The following CFAP46 variants were observed in gnomAD, a reference collection of about 807,000 sequenced individuals.
The protein encoded by CFAP46 is cilia- and flagella-associated protein 46.
A neutral mutation model predicts 325.7 loss-of-function variants in CFAP46; 245 were observed. The observed-to-expected ratio is 0.75, with a 90% CI of 0.68 to 0.84. CFAP46 has a LOEUF of 0.84. CFAP46 is among the 40% of genes least tolerant of loss of function. The probability of loss-of-function intolerance (pLI) is 0.00; values close to 1 mark genes in which losing one functional copy is unlikely to be tolerated. For synonymous variants in CFAP46, 1,523 were observed against 1,495.9 expected (o/e 1.02, Z -0.42); for missense variants, 3,346 against 3,543.0 (o/e 0.94, Z 1.41).
At chr10:132,912,357 CTT>C (rs1480514030) in intron 19 of CFAP46, among the ~76,000 whole-genome samples, 5 of 142,494 alleles carry the variant, frequency 3.5e-5, no homozygotes, top group Non-Finnish European at 7.6e-5. Flanking sequence ...CTTCTCCTCT[CTT>C]TCTCCTCTCT....
chr10:132,919,937 G>T lies in CFAP46; in HGVS notation c.1730+122C>A. 1 of 1,283,772 alleles carries T rather than the reference G, an allele frequency of 7.8e-7. No individual in the cohort carries two copies. The highest frequency in any genetic ancestry group is 1.0e-6 in the Non-Finnish European group (1 of 976,330). The allele number at this position is 1,283,772 out of a possible 1,614,324, so 79.5% of individuals were successfully genotyped here. ...CTCGTCCCACCATCCTGGAGCAGGT[G>T]GCCTGGCGAGTCCCCAGACGGCCAC... On this transcript the variant is annotated intron_variant, in intron 14 of 57. Coordinates refer to ENST00000368586, the MANE Select transcript of CFAP46 (RefSeq NM_001200049.3). The surrounding 1 kb of genome is among the most constrained non-coding windows in gnomAD (Gnocchi z 9.7).
Position 132,886,043 on chromosome 10 carries a change from A to G in CFAP46, c.3305-84T>C. ...TCGGACCTCCCAGACTAAGCTGCCC[A>G]TCACAGTGCCCCTGAGGTGGAACCG... On this transcript the variant is annotated intron_variant, in intron 25 of 57. Transcript: ENST00000368586. This position sits in a 1 kb window ranked among gnomAD's most constrained non-coding sequence, Gnocchi z 5.8. 1 of 1,497,676 alleles carries G rather than the reference A, an allele frequency of 6.7e-7. No homozygotes were observed. Among genetic ancestry groups the G allele is most frequent in the Non-Finnish European group, 9.0e-7 (1 of 1,111,180 alleles). The allele number at this position is 1,497,676 out of a possible 1,614,324, so 92.8% of individuals were successfully genotyped here.
chr10:132,824,717 GTAC>G (rs758268696), intron 50 of CFAP46, among the ~76,000 whole-genome samples: 35 of 53,156 alleles, frequency 6.6e-4, no homozygotes, highest in Admixed American at 1.3e-3. Context: ...TGCTGTGTGT[GTAC>G]TGATGTGTGC....
In CFAP46 at chr10:132,834,742, G is replaced by A. The variant is rs562594842; in HGVS notation, c.6778C>T (p.Arg2260Cys). Residue 2260 changes from arginine to cysteine, a missense_variant, in exon 48 of 58, where the codon CGC becomes TGC. By Grantham distance (180) the Arg-to-Cys change is radical. Coordinates refer to ENST00000368586, the MANE Select transcript of CFAP46 (RefSeq NM_001200049.3). The part of the protein sequence containing the change: ...PEGLQVEEKE[R>C]PVQRLSSVLG... ...ACGCTACTGAGCCTCTGCACAGGGC[G>A]CTCCTTCTCTTCCACCTGCAGGCCT... 19 of 1,612,562 alleles carry A rather than the reference G, an allele frequency of 1.2e-5. No individual in the cohort carries two copies. Among genetic ancestry groups the A allele is most frequent in the Admixed American group, 1.7e-5 (1 of 59,928 alleles).
chr10:132,837,887 GGACACACACAGA>G (rs1848289573), intron 44 of CFAP46, among the ~76,000 whole-genome samples: 2 of 119,644 alleles, frequency 1.7e-5, no homozygotes, highest in African/African-American at 6.6e-5. Context: ...AGACATGCAC[GGACACACACAGA>G]TGAACACATA....
At position 132,869,466 on chromosome 10, in the gene CFAP46, T is replaced by A; in HGVS notation, c.4512-94A>T. 1 of 843,624 alleles carries A rather than the reference T, an allele frequency of 1.2e-6. No homozygotes were observed. The highest frequency in any genetic ancestry group is 1.7e-6 in the Non-Finnish European group (1 of 580,416). The allele number at this position is 843,624 out of a possible 1,614,324, so 52.3% of individuals were successfully genotyped here. ...GTGTGCTTCACAGAAAACGGTCAAC[T>A]AACACATCGAGGCACACTTGGATGG... On this transcript the variant is annotated intron_variant, in intron 32 of 57. Transcript: ENST00000368586. The surrounding 1 kb of genome is among the most constrained non-coding windows in gnomAD (Gnocchi z 6.2).
At chr10:132,913,329 C>G in intron 17 of CFAP46, 71 bp from the exon 18 acceptor site, 1 of 839,678 alleles carries the variant, frequency 1.2e-6, no homozygotes, top group East Asian at 6.3e-5. Flanking sequence ...AGGAAGGCTG[C>G]GGGGCCTGTT....
At chr10:132,821,557 G>T (rs558203593) in intron 50 of CFAP46, among the ~76,000 whole-genome samples, 108 of 134,720 alleles carry the variant, frequency 8.0e-4, no homozygotes, top group African/African-American at 2.3e-3. Flanking sequence ...GTGTGCTGAC[G>T]TGTGCTGTGT....
In CFAP46 at chr10:132,810,479, G is replaced by A. The variant is rs374013049; in HGVS notation, c.7594C>T (p.Arg2532Cys). ...CTGTTTCTCCAATTGGCTTCCCAAC[G>A]GCCAACAGATCTAGGGGAGAAACGT... Reference protein sequence around the residue: ...ESVEHRRSVGRWEANWRNSAS... With the variant: ...ESVEHRRSVGCWEANWRNSAS... Residue 2532 changes from arginine to cysteine, a missense_variant, in exon 57 of 58, where the codon CGT becomes TGT. Transcript: ENST00000368586. 137 of 1,613,528 alleles carry A rather than the reference G, an allele frequency of 8.5e-5. No homozygotes were observed. Among genetic ancestry groups the A allele is most frequent in the South Asian group, 5.6e-4 (51 of 91,080 alleles).
chr10:132,926,500 C>T (rs1273321418), intron 10 of CFAP46, 68 bp downstream of exon 10: 2 of 1,167,610 alleles, frequency 1.7e-6, no homozygotes, highest in East Asian at 2.5e-5. Context: ...GGGACACACT[C>T]AACTTGCACC....
At position 132,886,757 on chromosome 10, in the gene CFAP46, TC is replaced by T. The variant is rs1157783569; in HGVS notation, c.3305-799del. On this transcript the variant is annotated intron_variant, in intron 25 of 57. Transcript: ENST00000368586. This position sits in a 1 kb window ranked among gnomAD's most constrained non-coding sequence, Gnocchi z 5.8. ...CAAGGATTCCAAGAGCCCCGGGAGATCCAAAACATCAAACCAAGGCCATGGA... is the reference window on the plus strand; with the variant it reads ...CAAGGATTCCAAGAGCCCCGGGAGATCAAAACATCAAACCAAGGCCATGGA... Among the ~76,000 whole-genome samples the T allele has an allele frequency of 6.6e-6, 1 of 152,018 alleles. No homozygotes were observed. The highest frequency in any genetic ancestry group is 1.5e-5 in the Non-Finnish European group (1 of 67,986).
Position 132,923,449 on chromosome 10 carries a change from C to A in CFAP46, c.1257-741G>T, listed in dbSNP as rs10870208. Among the ~76,000 whole-genome samples, 102 of 57,574 alleles carry A rather than the reference C, an allele frequency of 1.8e-3. 1 individual carries two copies. The highest frequency in any genetic ancestry group is 7.1e-3 in the African/African-American group (83 of 11,620). 37.8% of individuals were successfully genotyped at this position (57,574 alleles called of 152,430 possible). A position where few individuals can be genotyped will look rare whatever the true frequency, so the allele number is the denominator to read the frequency against. On this transcript the variant is annotated intron_variant, in intron 11 of 57. Coordinates refer to ENST00000368586, the MANE Select transcript of CFAP46 (RefSeq NM_001200049.3). Reference sequence around the variant, plus strand: ...AGCAGCCATGTGGGGGTGCCCTGGACCCCCTGGCCTTGAGCAGCCATGTGG... The same window carrying A: ...AGCAGCCATGTGGGGGTGCCCTGGAACCCCTGGCCTTGAGCAGCCATGTGG...
intron 50 of CFAP46, among the ~76,000 whole-genome samples, chr10:132,821,553 TGAC>T (rs1200793797): frequency 1.4e-5 from 2 of 139,950 alleles, no homozygotes; most frequent in Admixed American, 1.4e-4. Context: ...TGCTGTGTGC[TGAC>T]GTGTGCTGTG....
intron 19 of CFAP46, among the ~76,000 whole-genome samples, chr10:132,911,442 G>T (rs11146588): frequency 0.018 from 2,734 of 152,268 alleles, 52 homozygotes; most frequent in Non-Finnish European, 0.024. Flanking sequence ...TTCCGCAAGG[G>T]TGGGGACAGC....
intron 13 of CFAP46, among the ~76,000 whole-genome samples, chr10:132,921,279 G>A (rs558928175): frequency 7.2e-4 from 110 of 152,310 alleles, no homozygotes; most frequent in African/African-American, 2.3e-3. Context: ...GGGGACCAGC[G>A]GGAAGGGCTC....
chr10:132,835,578 C>T (rs1848227485), intron 46 of CFAP46, 144 bp from the exon 47 acceptor site: 1 of 1,064,958 alleles, frequency 9.4e-7, no homozygotes, highest in African/African-American at 1.6e-5. Flanking sequence ...GTGGGGTCCC[C>T]CTGGTCCCAT....
At chr10:132,851,049 G>C (rs778919541) in intron 40 of CFAP46, 68 bp downstream of exon 40, 3 of 1,574,798 alleles carry the variant, frequency 1.9e-6, no homozygotes, top group South Asian at 1.1e-5. Context: ...CTGCTGGAAC[G>C]GGGGTCCCAT....
intron 13 of CFAP46, among the ~76,000 whole-genome samples, chr10:132,921,156 C>T (rs1849717101): frequency 6.6e-6 from 1 of 152,232 alleles, no homozygotes; most frequent in African/African-American, 2.4e-5. Flanking sequence ...CGACCACCAT[C>T]TCCACAGGCT....
intron 44 of CFAP46, 142 bp from the exon 45 acceptor site, chr10:132,837,056 G>C (rs1848263157): frequency 1.6e-6 from 1 of 640,454 alleles, no homozygotes; most frequent in Non-Finnish European, 2.7e-6. Context: ...GGGCCCTTGG[G>C]GTGGGGGGCC....
Sources: gnomAD v4.1 joint callset for allele counts (sites outside exome capture counted in the v4.1 genomes callset) on GRCh38, gnomAD v4.1.1 for gene constraint, Gnocchi (gnomAD v3.1) non-coding constraint, MANE v1.5 for transcripts, NCBI Gene and HGNC (gene_info 2026-07-23, HGNC 2026-07-21) for gene names.